The following INSC variants were observed in gnomAD, a reference collection of about 807,000 sequenced individuals.
INSC encodes protein inscuteable homolog.
In INSC, 67 loss-of-function variants were observed where a neutral mutation model predicts 58.6. That is an observed-to-expected ratio of 1.14 (90% CI 0.94 to 1.40). The LOEUF is 1.40. Ranked by LOEUF, INSC falls within the 40% of genes most tolerant of loss-of-function variation. INSC has a pLI of 0.00. For missense variants in INSC, 714 were observed against 692.0 expected, an observed-to-expected ratio of 1.03 and a Z score of -0.36; for synonymous variants, 262 against 276.1, an observed-to-expected ratio of 0.95 and a Z score of 0.51.
At chr11:15,240,747 G>T (rs1432029663) in intron 12 of INSC, among the ~76,000 whole-genome samples, 1 of 152,194 alleles carries the variant, frequency 6.6e-6, no homozygotes, top group Non-Finnish European at 1.5e-5. Flanking sequence ...TGAGGGCTGA[G>T]AAACTCCCTC....
chr11:15,212,037 T>TCCACAAAAATA (rs1338887713), intron 7 of INSC, among the ~76,000 whole-genome samples: 3 of 152,200 alleles, frequency 2.0e-5, no homozygotes, highest in African/African-American at 7.2e-5. Context: ...AATCAGCTTG[T>TCCACAAAAATA]CAATGTCCAC....
At chr11:15,226,224 A>G (rs897984484) in intron 9 of INSC, among the ~76,000 whole-genome samples, 1 of 152,000 alleles carries the variant, frequency 6.6e-6, no homozygotes, top group Non-Finnish European at 1.5e-5. Context: ...CCTCCTCTGA[A>G]GGTCTGTGTC....
At chr11:15,117,807 T>C (rs1847768070) in intron 1 of INSC, among the ~76,000 whole-genome samples, 1 of 152,318 alleles carries the variant, frequency 6.6e-6, no homozygotes, top group African/African-American at 2.4e-5. Context: ...TGAACTCTAA[T>C]TGGTGACGAT....
the INSC span, among the ~76,000 whole-genome samples, chr11:15,257,776 TAGAG>T: frequency 6.6e-6 from 1 of 152,038 alleles, no homozygotes; most frequent in Non-Finnish European, 1.5e-5. Context: ...TACCAGAAGC[TAGAG>T]AGAGGCCTGG....
chr11:15,235,025 T>C (rs929867038), intron 9 of INSC: 32 of 162,330 alleles, frequency 2.0e-4, no homozygotes, highest in African/African-American at 6.5e-4. Context: ...AGACTTGCAA[T>C]GTGCAGCTGA....
chr11:15,164,487 T>G (rs1438344905), intron 2 of INSC, among the ~76,000 whole-genome samples: 1 of 152,160 alleles, frequency 6.6e-6, no homozygotes, highest in Non-Finnish European at 1.5e-5. Context: ...AGTTTCTCCT[T>G]AATGTGGTGC....
chr11:15,144,200 G>A (rs1848438497), intron 1 of INSC, among the ~76,000 whole-genome samples: 1 of 152,216 alleles, frequency 6.6e-6, no homozygotes, highest in South Asian at 2.1e-4. Context: ...TTTCTCAAAT[G>A]TAGGAAATGG....
chr11:15,177,234 C>T, intron 4 of INSC, 71 bp downstream of exon 4: 1 of 1,195,148 alleles, frequency 8.4e-7, no homozygotes, highest in Non-Finnish European at 1.3e-6. Context: ...CTGGTATCTT[C>T]TCCCAGAGGG....
chr11:15,226,931 A>T (rs1210786234), intron 9 of INSC, among the ~76,000 whole-genome samples: 1 of 152,152 alleles, frequency 6.6e-6, no homozygotes, highest in Non-Finnish European at 1.5e-5. Context: ...AAGTTCCCCA[A>T]ACTTTGTCAG....
At chr11:15,266,842 G>T in the INSC span, among the ~76,000 whole-genome samples, 1 of 151,926 alleles carries the variant, frequency 6.6e-6, no homozygotes, top group Non-Finnish European at 1.5e-5. Context: ...GGTAAGTTTA[G>T]AAAAGAAAGA....
intron 1 of INSC, among the ~76,000 whole-genome samples, chr11:15,134,372 C>G (rs1489596970): frequency 6.6e-6 from 1 of 152,114 alleles, no homozygotes; most frequent in Non-Finnish European, 1.5e-5. Context: ...TTAGAATGAC[C>G]TGACTATAGT....
At chr11:15,139,349 G>A (rs1461340559) in intron 1 of INSC, among the ~76,000 whole-genome samples, 1 of 152,236 alleles carries the variant, frequency 6.6e-6, no homozygotes, top group African/African-American at 2.4e-5. Context: ...CCTGGGCCCT[G>A]GGCCCAGTGG....
At chr11:15,134,401 T>C (rs1280712378) in intron 1 of INSC, among the ~76,000 whole-genome samples, 2 of 152,228 alleles carry the variant, frequency 1.3e-5, no homozygotes, top group Non-Finnish European at 2.9e-5. Context: ...GCTATTACTA[T>C]GAATGGATGC....
chr11:15,265,090 G>A, the INSC span, among the ~76,000 whole-genome samples: 201 of 152,182 alleles, frequency 1.3e-3, 4 homozygotes, highest in South Asian at 9.3e-3. Flanking sequence ...TAAAAGTGTT[G>A]TGCATTGTAT....
chr11:15,166,415 C>T (rs184667159), intron 2 of INSC, among the ~76,000 whole-genome samples: 39 of 152,286 alleles, frequency 2.6e-4, no homozygotes, highest in Admixed American at 2.2e-3. Context: ...TATTATCATA[C>T]TTTTTGTGGG....
intron 1 of INSC, among the ~76,000 whole-genome samples, chr11:15,121,002 A>C (rs1475171416): frequency 1.3e-5 from 2 of 151,386 alleles, no homozygotes; most frequent in Non-Finnish European, 2.9e-5. Context: ...TTTATTGTTT[A>C]TATAACATAT....
intron 1 of INSC, among the ~76,000 whole-genome samples, chr11:15,116,456 G>T (rs1333594517): frequency 1.3e-5 from 2 of 152,008 alleles, no homozygotes; most frequent in Non-Finnish European, 2.9e-5. Flanking sequence ...TTCTTCCAGT[G>T]GTTATCTTTT....
chr11:15,182,306 T>TA (rs138315527), intron 5 of INSC, among the ~76,000 whole-genome samples: 29 of 146,334 alleles, frequency 2.0e-4, no homozygotes, highest in East Asian at 4.0e-4. Flanking sequence ...CTGTAGCCAA[T>TA]AAAAAAAAAA....
At chr11:15,139,255 C>A (rs544589833) in intron 1 of INSC, among the ~76,000 whole-genome samples, 1 of 152,236 alleles carries the variant, frequency 6.6e-6, no homozygotes, top group East Asian at 1.9e-4. Flanking sequence ...CTCTAATGGC[C>A]TTTATCTGAG....
Sources: allele counts gnomAD v4.1 joint callset (sites outside exome capture counted in the v4.1 genomes callset), GRCh38; gene constraint gnomAD v4.1.1; transcripts MANE v1.5; gene names NCBI Gene and HGNC (gene_info 2026-07-23, HGNC 2026-07-21).